The following FOXP2 variants were observed in gnomAD, a reference collection of about 807,000 sequenced individuals.
The protein encoded by FOXP2 is forkhead box P2.
A neutral mutation model predicts 115.8 loss-of-function variants in FOXP2; 12 were observed. That is an observed-to-expected ratio of 0.10 (90% CI 0.07 to 0.17). The LOEUF is 0.17. Among genes scored for constraint, FOXP2 ranks in the 10% least tolerant of loss-of-function variants. FOXP2 has a pLI of 1.00. For missense variants in FOXP2, 629 were observed against 843.5 expected (o/e 0.75, Z 3.15); for synonymous variants, 328 against 297.7 (o/e 1.10, Z -1.05).
chr7:114,290,815 G>A (rs1297614324), intron 2 of FOXP2, among the ~76,000 whole-genome samples: 4 of 152,024 alleles, frequency 2.6e-5, no homozygotes, highest in Non-Finnish European at 5.9e-5. Context: ...GCTCTTTTAC[G>A]CTTAATTTGT....
At chr7:114,370,251 A>G (rs548535812) in intron 2 of FOXP2, among the ~76,000 whole-genome samples, 19 of 152,230 alleles carry the variant, frequency 1.2e-4, no homozygotes, top group African/African-American at 4.6e-4. Flanking sequence ...TTCTCATTAG[A>G]TGTACTTGCA....
At chr7:114,501,291 T>C (rs758276811) in intron 2 of FOXP2, among the ~76,000 whole-genome samples, 3 of 152,160 alleles carry the variant, frequency 2.0e-5, no homozygotes, top group Non-Finnish European at 4.4e-5. Flanking sequence ...TAAATATTCA[T>C]TTGTTACTTT....
At chr7:114,513,930 G>A (rs745617870) in intron 2 of FOXP2, among the ~76,000 whole-genome samples, 2 of 151,982 alleles carry the variant, frequency 1.3e-5, no homozygotes, top group Non-Finnish European at 2.9e-5. Flanking sequence ...CTGCTAAGAC[G>A]TATTTCAAAT....
At chr7:114,266,772 C>T (rs1421039473) in intron 1 of FOXP2, among the ~76,000 whole-genome samples, 3 of 152,214 alleles carry the variant, frequency 2.0e-5, no homozygotes, top group Non-Finnish European at 4.4e-5. Context: ...TTTGTTATTT[C>T]CACTGAACTT....
In FOXP2 at chr7:114,652,306, A is replaced by G. The variant is rs761715257; in HGVS notation, c.1182+16A>G. ...AGAAATACAGGTTTGTTAAATGCTC[A>G]CTTAATGGACTCTTCTTAGATTTCT... On this transcript the variant is annotated intron_variant, in intron 9 of 16. Transcript: ENST00000350908. 9 of 1,607,470 alleles carry G rather than the reference A, an allele frequency of 5.6e-6. No homozygotes were observed. Among genetic ancestry groups the G allele is most frequent in the Non-Finnish European group, 4.3e-6 (5 of 1,174,836 alleles).
intron 2 of FOXP2, among the ~76,000 whole-genome samples, chr7:114,451,925 C>G (rs575480339): frequency 2.6e-5 from 4 of 151,784 alleles, no homozygotes; most frequent in African/African-American, 4.8e-5. Context: ...TTTTTTATGC[C>G]GAATAATACA....
chr7:114,382,511 A>G (rs371301303), intron 2 of FOXP2, among the ~76,000 whole-genome samples: 2 of 152,142 alleles, frequency 1.3e-5, no homozygotes, highest in East Asian at 1.9e-4. Context: ...AGCAAGCCCT[A>G]TTAGGCATTC....
At chr7:114,251,228 C>T (rs1253019871) in intron 1 of FOXP2, among the ~76,000 whole-genome samples, 3 of 152,062 alleles carry the variant, frequency 2.0e-5, no homozygotes, top group Non-Finnish European at 4.4e-5. Flanking sequence ...AGTCAGGTAG[C>T]GTGATGCCTG....
intron 1 of FOXP2, among the ~76,000 whole-genome samples, chr7:114,242,447 A>G (rs1795178435): frequency 6.6e-6 from 1 of 152,198 alleles, no homozygotes; most frequent in Admixed American, 6.5e-5. Flanking sequence ...ATGTTGCATC[A>G]AATTTACAAT....
intron 3 of FOXP2, among the ~76,000 whole-genome samples, chr7:114,537,911 C>T (rs1036942817): frequency 6.6e-6 from 1 of 151,582 alleles, no homozygotes; most frequent in Non-Finnish European, 1.5e-5. Context: ...TTAAGCATTA[C>T]CAGATGTTTC....
intron 2 of FOXP2, among the ~76,000 whole-genome samples, chr7:114,316,592 C>G (rs1399773506): frequency 1.3e-5 from 2 of 152,026 alleles, no homozygotes; most frequent in Non-Finnish European, 2.9e-5. Flanking sequence ...AGACCTAACT[C>G]GTATGGTGGC....
intron 16 of FOXP2, among the ~76,000 whole-genome samples, chr7:114,688,496 C>G (rs889503434): frequency 6.6e-6 from 1 of 152,122 alleles, no homozygotes. Context: ...CAGGTTCAGT[C>G]ACTTTCTAAT....
At chr7:114,472,502 C>T (rs1584777784) in intron 2 of FOXP2, among the ~76,000 whole-genome samples, 1 of 151,960 alleles carries the variant, frequency 6.6e-6, no homozygotes, top group Non-Finnish European at 1.5e-5. Context: ...TGTACCACCA[C>T]ACTTGGCTAA....
chr7:114,153,878 G>A (rs552928439), intron 1 of FOXP2, among the ~76,000 whole-genome samples: 3 of 152,116 alleles, frequency 2.0e-5, no homozygotes, highest in Non-Finnish European at 4.4e-5. Context: ...TAAAGCTTAA[G>A]AAGCCATTGT....
At chr7:114,115,862 G>C (rs1352039480) in intron 1 of FOXP2, among the ~76,000 whole-genome samples, 2 of 152,102 alleles carry the variant, frequency 1.3e-5, no homozygotes, top group African/African-American at 4.8e-5. Context: ...GGCACCTGGT[G>C]TATGGTAGGA....
chr7:114,356,264 C>A (rs1374474550), intron 2 of FOXP2, among the ~76,000 whole-genome samples: 1 of 152,094 alleles, frequency 6.6e-6, no homozygotes, highest in African/African-American at 2.4e-5. Context: ...TTACCATATA[C>A]TTCGCATATT....
At chr7:114,139,986 G>T (rs962729962) in intron 1 of FOXP2, among the ~76,000 whole-genome samples, 1 of 151,954 alleles carries the variant, frequency 6.6e-6, no homozygotes, top group African/African-American at 2.4e-5. Flanking sequence ...GGTGGCAGGC[G>T]CCTGTAATCC....
At chr7:114,540,922 C>A (rs1233804224) in intron 3 of FOXP2, among the ~76,000 whole-genome samples, 10 of 151,808 alleles carry the variant, frequency 6.6e-5, no homozygotes, top group Admixed American at 6.6e-4. Flanking sequence ...AAATGTCAAG[C>A]CAAGAAGTCA....
chr7:114,654,203 A>G (rs1326606095), intron 10 of FOXP2, 194 bp downstream of exon 10: 8 of 1,329,354 alleles, frequency 6.0e-6, no homozygotes, highest in Non-Finnish European at 7.0e-6. Context: ...AATCTATCCA[A>G]TCTACACCAT....
Sources: gnomAD v4.1 joint callset for allele counts (sites outside exome capture counted in the v4.1 genomes callset) on GRCh38, gnomAD v4.1.1 for gene constraint, MANE v1.5 for transcripts, NCBI Gene and HGNC (gene_info 2026-07-23, HGNC 2026-07-21) for gene names.